The following TEX15 variants were observed in gnomAD, a reference collection of about 807,000 sequenced individuals.
TEX15 encodes testis expressed 15, meiosis and synapsis associated, also known as testis-expressed protein 15.
A neutral mutation model predicts 237.3 loss-of-function variants in TEX15; 171 were observed. The ratio of observed to expected loss-of-function variants is 0.72; its 90% CI spans 0.64 to 0.82. TEX15 has a LOEUF of 0.82. Ranked by LOEUF, TEX15 falls within the 40% of genes least tolerant of loss-of-function variation. TEX15 has a pLI of 0.00. For synonymous variants in TEX15, 1,338 were observed against 1,269.8 expected, an observed-to-expected ratio of 1.05 and a Z score of -1.14; for missense variants, 3,750 against 3,646.5, an observed-to-expected ratio of 1.03 and a Z score of -0.73.
chr8:30,843,720 T>C lies in TEX15; in HGVS notation c.6447A>G (p.Leu2149=), dbSNP rs754961899. 16 of 1,612,246 alleles carry C rather than the reference T, an allele frequency of 9.9e-6. No individual in the cohort carries two copies. The highest frequency in any genetic ancestry group is 1.4e-5 in the Non-Finnish European group (16 of 1,179,210). The part of the protein sequence containing the change: ...FCELQTYHDQ[L]VELLEETKRE... ...TTTTTGTTTCTTCAAGCAATTCAAC[T>C]AATTGATCATGGTAAGTCTGTAACT... The change falls in exon 8 of 11, where the codon TTA becomes TTG. Residue 2149 remains leucine, a synonymous_variant. Transcript: ENST00000643185.
At chr8:30,859,005 CCCA>C (rs1188483378) in intron 6 of TEX15, among the ~76,000 whole-genome samples, 175 bp from the exon 7 acceptor site, 5 of 151,932 alleles carry the variant, frequency 3.3e-5, no homozygotes, top group Non-Finnish European at 5.9e-5. Flanking sequence ...CTTTTTCTCC[CCCA>C]CAATTTTTTT....
chr8:30,845,497 A>G lies in TEX15; in HGVS notation c.4670T>C (p.Leu1557Pro). 1 of 1,613,544 alleles carries G rather than the reference A, an allele frequency of 6.2e-7. No homozygotes were observed. The highest frequency in any genetic ancestry group is 2.2e-5 in the East Asian group (1 of 44,864). The stretch of plus-strand genomic sequence containing the variant: ...CTCATCTGAGTGGTCTGGGGAAAAC[A>G]GATATGCAGTTTTTCCAGAAAAGGG... ...HQPFSGKTAY[L>P]FSPDHSDEKL... is the part of the protein sequence containing the mutation. Residue 1557 changes from leucine (L) to proline (P), a missense_variant, in exon 8 of 11, where the codon CTG becomes CCG. By Grantham distance (98) the Leu-to-Pro change is moderately conservative. Coordinates refer to ENST00000643185, the MANE Select transcript of TEX15 (RefSeq NM_001350162.2).
intron 6 of TEX15, among the ~76,000 whole-genome samples, chr8:30,859,438 C>T (rs1219697865): frequency 1.3e-5 from 2 of 151,910 alleles, no homozygotes; most frequent in African/African-American, 4.8e-5. Context: ...ATTGATAAAT[C>T]TTAACTATAT....
chr8:30,865,217 A>G (rs1563256562), intron 5 of TEX15, among the ~76,000 whole-genome samples: 1 of 152,110 alleles, frequency 6.6e-6, no homozygotes, highest in Non-Finnish European at 1.5e-5. Flanking sequence ...GGAAAACCCA[A>G]AAGAAATAGA....
At chr8:30,834,733 G>A (rs1807254174) in intron 10 of TEX15, among the ~76,000 whole-genome samples, 1 of 152,296 alleles carries the variant, frequency 6.6e-6, no homozygotes, top group East Asian at 1.9e-4. Context: ...GGCAGATGAC[G>A]TTGGACATAG....
Position 30,870,580 on chromosome 8 carries a change from T to C in TEX15, c.303-3078A>G, listed in dbSNP as rs11989211. On this transcript the variant is annotated intron_variant, in intron 4 of 10. Coordinates refer to ENST00000643185, the MANE Select transcript of TEX15 (RefSeq NM_001350162.2). ...TTTATAACAAAGAAAATAAAATTAT[T>C]TCTTTGGAGATCTTTAAAGATAACT... Among the ~76,000 whole-genome samples the C allele has an allele frequency of 6.5e-3, 990 of 152,146 alleles. 8 individuals carry two copies. The highest frequency in any genetic ancestry group is 0.022 in the African/African-American group (922 of 41,506).
intron 1 of TEX15, among the ~76,000 whole-genome samples, chr8:30,911,742 T>TG (rs1203432660): frequency 1.3e-5 from 2 of 152,196 alleles, no homozygotes; most frequent in Non-Finnish European, 2.9e-5. Flanking sequence ...CCCTGGGCAC[T>TG]GTCTCCCGAC....
In TEX15 at chr8:30,842,620, G is replaced by C; in HGVS notation, c.7547C>G (p.Ser2516Cys). The C allele has an allele frequency of 1.2e-6, 2 of 1,611,386 alleles. No homozygotes were observed. Among genetic ancestry groups the C allele is most frequent in the Non-Finnish European group, 1.7e-6 (2 of 1,179,792 alleles). ...AATATCCAGATCTTTCTTAAGTTCG[G>C]AAACAGCAGTCTCTATCACTTTCCA... ...CLWKVIETAV[S>C]ELKKDLDIIC... The change falls in exon 8 of 11, where the codon TCC becomes TGC. Residue 2516 changes from serine to cysteine, a missense_variant. Physicochemically the swap from Ser to Cys is moderately radical, Grantham distance 112 (BLOSUM62 -1). Transcript: ENST00000643185.
chr8:30,858,518 G>T, intron 7 of TEX15, 150 bp downstream of exon 7: 1 of 584,730 alleles, frequency 1.7e-6, no homozygotes, highest in South Asian at 2.9e-5. Flanking sequence ...TGCTATGTTG[G>T]CCAGGTTGGC....
chr8:30,855,236 A>G (rs1227865966), intron 7 of TEX15, among the ~76,000 whole-genome samples: 1 of 152,220 alleles, frequency 6.6e-6, no homozygotes, highest in African/African-American at 2.4e-5. Context: ...TAACGAGTTC[A>G]GCAAGACTGC....
chr8:30,853,083 A>T (rs969873105), intron 7 of TEX15, among the ~76,000 whole-genome samples: 1 of 152,196 alleles, frequency 6.6e-6, no homozygotes, highest in African/African-American at 2.4e-5. Flanking sequence ...GGTTTTCTCT[A>T]AAGTTAATCA....
chr8:30,840,024 A>T, intron 8 of TEX15, 60 bp from the exon 9 acceptor site: 5 of 1,018,452 alleles, frequency 4.9e-6, no homozygotes, highest in Non-Finnish European at 7.0e-6. Context: ...AATAAAAATA[A>T]TTATTATTTC....
intron 5 of TEX15, among the ~76,000 whole-genome samples, chr8:30,861,519 G>A (rs942042542): frequency 2.0e-5 from 3 of 152,044 alleles, no homozygotes; most frequent in African/African-American, 7.2e-5. Flanking sequence ...ATCCTGGAAC[G>A]CAAACAAACA....
intron 3 of TEX15, among the ~76,000 whole-genome samples, chr8:30,878,417 CTT>C (rs779914146): frequency 2.6e-5 from 4 of 152,016 alleles, no homozygotes; most frequent in Non-Finnish European, 4.4e-5. Context: ...GAGTTTCACT[CTT>C]GTTGCCCAGG....
intron 4 of TEX15, among the ~76,000 whole-genome samples, chr8:30,870,208 CAT>C (rs1396632423): frequency 6.6e-6 from 1 of 151,850 alleles, no homozygotes; most frequent in Non-Finnish European, 1.5e-5. Flanking sequence ...TGAGAAAACT[CAT>C]ATAATAGAGA....
intron 10 of TEX15, among the ~76,000 whole-genome samples, chr8:30,836,206 T>TTG (rs1491446924): frequency 5.6e-5 from 1 of 17,966 alleles, no homozygotes; most frequent in Non-Finnish European, 1.3e-4. Context: ...CACTGTATCG[T>TTG]TTTTTTTTTT....
chr8:30,885,192 G>C (rs1321053329), intron 3 of TEX15, among the ~76,000 whole-genome samples: 1 of 151,892 alleles, frequency 6.6e-6, no homozygotes, highest in East Asian at 1.9e-4. Flanking sequence ...TAATTCCATT[G>C]TGGTCTGATA....
At chr8:30,889,954 C>CATATATATATATATATATATACATATAT in intron 2 of TEX15, among the ~76,000 whole-genome samples, 4 of 110,086 alleles carry the variant, frequency 3.6e-5, no homozygotes, top group South Asian at 2.8e-4. Flanking sequence ...TATATATATA[C>CATATATATATATATATATATACATATAT]ATATATATAT....
chr8:30,852,985 G>GT (rs1219047942), intron 7 of TEX15, among the ~76,000 whole-genome samples: 13 of 152,134 alleles, frequency 8.5e-5, no homozygotes, highest in Non-Finnish European at 1.8e-4. Flanking sequence ...AGTGGCTACT[G>GT]TATTAGATAG....
Sources: gnomAD v4.1 joint callset for allele counts (sites outside exome capture counted in the v4.1 genomes callset) on GRCh38, gnomAD v4.1.1 for gene constraint, MANE v1.5 for transcripts, NCBI Gene and HGNC (gene_info 2026-07-23, HGNC 2026-07-21) for gene names.